Variants in RBM46 observed in about 807,000 individuals in gnomAD.
The protein encoded by RBM46 is probable RNA-binding protein 46.
RBM46 carries 12 observed loss-of-function variants against 43.3 expected under a neutral mutation model. The ratio of observed to expected loss-of-function variants is 0.28; its 90% CI spans 0.18 to 0.45. RBM46 has a LOEUF of 0.45. RBM46 is among the 20% of genes least tolerant of loss of function. The probability of loss-of-function intolerance (pLI) is 1.00; values close to 1 mark genes in which losing one functional copy is unlikely to be tolerated. For synonymous variants in RBM46, 205 were observed against 207.6 expected, an observed-to-expected ratio of 0.99 and a Z score of 0.11; for missense variants, 412 against 639.1, an observed-to-expected ratio of 0.64 and a Z score of 3.83.
intron 1 of RBM46, among the ~76,000 whole-genome samples, chr4:154,783,202 G>A (rs1304620121): frequency 6.6e-6 from 1 of 152,160 alleles, no homozygotes; most frequent in Admixed American, 6.5e-5. Context: ...TTAAGGCACT[G>A]CTTTGATTGC....
intron 4 of RBM46, among the ~76,000 whole-genome samples, chr4:154,809,717 G>GTAT (rs1425191332): frequency 6.6e-6 from 1 of 152,066 alleles, no homozygotes; most frequent in Non-Finnish European, 1.5e-5. Context: ...ACTTACCTAA[G>GTAT]TATTACATTA....
chr4:154,804,386 C>A (rs763264597), intron 4 of RBM46, among the ~76,000 whole-genome samples: 12 of 152,008 alleles, frequency 7.9e-5, no homozygotes, highest in Non-Finnish European at 1.6e-4. Context: ...ACTATCAAGG[C>A]GAATAGTACT....
intron 1 of RBM46, among the ~76,000 whole-genome samples, chr4:154,785,611 C>G (rs572294815): frequency 6.6e-6 from 1 of 152,120 alleles, no homozygotes; most frequent in East Asian, 1.9e-4. Context: ...TTTTTTCTCT[C>G]ACTGTTTTTC....
At chr4:154,785,054 T>C (rs1055907902) in intron 1 of RBM46, among the ~76,000 whole-genome samples, 11 of 152,220 alleles carry the variant, frequency 7.2e-5, no homozygotes, top group Non-Finnish European at 1.2e-4. Flanking sequence ...ATTATACACG[T>C]GCATATATTT....
At chr4:154,792,605 G>A (rs554084918) in intron 1 of RBM46, among the ~76,000 whole-genome samples, 1 of 152,250 alleles carries the variant, frequency 6.6e-6, no homozygotes, top group East Asian at 1.9e-4. Context: ...GTCACAGCAC[G>A]CTGAAATGGA....
chr4:154,813,300 G>A (rs1007430133), intron 4 of RBM46, among the ~76,000 whole-genome samples: 1 of 152,026 alleles, frequency 6.6e-6, no homozygotes, highest in African/African-American at 2.4e-5. Context: ...TGTCACCAAA[G>A]TAAAAATTAC....
chr4:154,814,012 T>C (rs935445610), intron 4 of RBM46, among the ~76,000 whole-genome samples: 2 of 152,064 alleles, frequency 1.3e-5, no homozygotes, highest in East Asian at 1.9e-4. Context: ...TCAGTGACAT[T>C]TTAAACTTCA....
chr4:154,792,326 A>G (rs982169712), intron 1 of RBM46, among the ~76,000 whole-genome samples: 1 of 152,206 alleles, frequency 6.6e-6, no homozygotes, highest in Non-Finnish European at 1.5e-5. Context: ...CATTAAATGT[A>G]GAAGTAAAAT....
chr4:154,796,916 T>G lies in RBM46; in HGVS notation c.151+13T>G, dbSNP rs777905288. The G allele has an allele frequency of 2.5e-6, 4 of 1,605,476 alleles. No individual in the cohort carries two copies. In the East Asian group the frequency reaches 8.9e-5, roughly 36 times the overall value. ...GGTCCTCCTCCAGGTGTGGATTTGT[T>G]TACAGTCTTTTAAATTTAATCTTTA... is the stretch of plus-strand genomic sequence containing the variant. On this transcript the variant is annotated intron_variant, in intron 2 of 4. Coordinates refer to ENST00000281722, the MANE Select transcript of RBM46 (RefSeq NM_144979.5).
intron 4 of RBM46, among the ~76,000 whole-genome samples, chr4:154,810,174 A>C (rs919800430): frequency 6.6e-6 from 1 of 152,108 alleles, no homozygotes; most frequent in Non-Finnish European, 1.5e-5. Context: ...AATTGGGAAA[A>C]AATGAAAGCC....
At chr4:154,796,117 C>G (rs920396022) in intron 1 of RBM46, among the ~76,000 whole-genome samples, 2 of 152,134 alleles carry the variant, frequency 1.3e-5, no homozygotes, top group African/African-American at 4.8e-5. Context: ...GCAGGAGCCA[C>G]CTTCACACCA....
intron 4 of RBM46, among the ~76,000 whole-genome samples, chr4:154,817,708 C>A (rs996554131): frequency 2.0e-5 from 3 of 152,014 alleles, no homozygotes; most frequent in African/African-American, 7.2e-5. Flanking sequence ...TTGATTTCTT[C>A]TTGAATCTTC....
At chr4:154,823,332 G>A (rs1040812963) in intron 4 of RBM46, among the ~76,000 whole-genome samples, 1 of 151,840 alleles carries the variant, frequency 6.6e-6, no homozygotes, top group African/African-American at 2.4e-5. Flanking sequence ...TTTTATAGTG[G>A]TGCTAGTTGT....
rs114044293 is a variant in RBM46 at position 154,800,429 on chromosome 4, T to C, written c.1402+865T>C. Among the ~76,000 whole-genome samples, 574 of 152,344 alleles carry C rather than the reference T, an allele frequency of 3.8e-3. 3 individuals are homozygous for C. The highest frequency in any genetic ancestry group is 0.014 in the Middle Eastern group (4 of 294). On this transcript the variant is annotated intron_variant, in intron 4 of 4. Coordinates refer to ENST00000281722, the MANE Select transcript of RBM46 (RefSeq NM_144979.5). ...TAAGAGATGTTTGTGACCATTCTCT[T>C]TTTAATTTCATGTTTTTCAAAAAGT... is the stretch of plus-strand genomic sequence containing the variant.
chr4:154,781,834 A>G (rs1157309974), intron 1 of RBM46: 2 of 152,162 alleles, frequency 1.3e-5, no homozygotes, highest in Admixed American at 6.5e-5. Flanking sequence ...TACGCCGACG[A>G]CCAACGACCG....
chr4:154,790,792 G>T (rs1303913365), intron 1 of RBM46, among the ~76,000 whole-genome samples: 4 of 152,184 alleles, frequency 2.6e-5, no homozygotes, highest in Non-Finnish European at 5.9e-5. Flanking sequence ...GCCATTTCAT[G>T]GATGGGACAA....
intron 4 of RBM46, among the ~76,000 whole-genome samples, chr4:154,808,799 A>C (rs1315447558): frequency 6.6e-6 from 1 of 152,074 alleles, no homozygotes; most frequent in East Asian, 1.9e-4. Flanking sequence ...ATGTGTGTAC[A>C]TGTGTTTCCT....
At chr4:154,821,418 G>A (rs1389298250) in intron 4 of RBM46, among the ~76,000 whole-genome samples, 2 of 151,528 alleles carry the variant, frequency 1.3e-5, no homozygotes, top group African/African-American at 2.4e-5. Context: ...CTATACTGAA[G>A]CCTACCTGGA....
At chr4:154,793,828 G>T (rs1331675685) in intron 1 of RBM46, among the ~76,000 whole-genome samples, 1 of 152,190 alleles carries the variant, frequency 6.6e-6, no homozygotes, top group Non-Finnish European at 1.5e-5. Flanking sequence ...CTTTATAGGA[G>T]CACGGTCGAT....
Sources: allele counts gnomAD v4.1 joint callset (sites outside exome capture counted in the v4.1 genomes callset), GRCh38; gene constraint gnomAD v4.1.1; transcripts MANE v1.5; gene names NCBI Gene and HGNC (gene_info 2026-07-23, HGNC 2026-07-21).